LRFN5: variants seen among roughly 807,000 people sequenced by gnomAD.
LRFN5 encodes the protein leucine rich repeat and fibronectin type III domain containing 5.
Under a neutral mutation model 45.6 loss-of-function variants are expected in LRFN5, and 24 were observed. The observed-to-expected ratio is 0.53, with a 90% confidence interval of 0.38 to 0.74. LRFN5 has a LOEUF of 0.74. Among genes scored for constraint, LRFN5 ranks in the 30% least tolerant of loss-of-function variants. The probability of loss-of-function intolerance (pLI) is 0.00; values close to 1 mark genes in which losing one functional copy is unlikely to be tolerated. For synonymous variants in LRFN5, 340 were observed against 313.8 expected, an observed-to-expected ratio of 1.08 and a Z score of -0.88; for missense variants, 776 against 861.5, an observed-to-expected ratio of 0.90 and a Z score of 1.24.
chr14:41,783,465 C>G (rs1886607512), intron 2 of LRFN5, among the ~76,000 whole-genome samples: 1 of 152,060 alleles, frequency 6.6e-6, no homozygotes, highest in Admixed American at 6.6e-5. Context: ...TTGTTCGGCT[C>G]TTTATTGTTC....
chr14:41,717,025 T>C (rs1883521268), intron 1 of LRFN5, among the ~76,000 whole-genome samples: 1 of 152,176 alleles, frequency 6.6e-6, no homozygotes, highest in African/African-American at 2.4e-5. Context: ...CAATGTATTT[T>C]CTAAATCGTG....
intron 2 of LRFN5, among the ~76,000 whole-genome samples, chr14:41,785,956 C>T (rs1886705094): frequency 6.6e-6 from 1 of 152,126 alleles, no homozygotes; most frequent in South Asian, 2.1e-4. Context: ...CTAGCTTGCC[C>T]ACTGCTCGCC....
intron 2 of LRFN5, among the ~76,000 whole-genome samples, chr14:41,799,779 G>A (rs546058450): frequency 2.0e-4 from 31 of 152,134 alleles, no homozygotes; most frequent in Admixed American, 3.9e-4. Context: ...AGTTGAGGAA[G>A]TGTGGCTCTT....
chr14:41,847,446 A>G (rs1052603304), intron 2 of LRFN5, among the ~76,000 whole-genome samples: 6 of 152,150 alleles, frequency 3.9e-5, no homozygotes, highest in Non-Finnish European at 5.9e-5. Context: ...TCCTAACATC[A>G]TGCATAAGAA....
chr14:41,847,927 G>T (rs1422273854), intron 2 of LRFN5, among the ~76,000 whole-genome samples: 1 of 152,020 alleles, frequency 6.6e-6, no homozygotes, highest in African/African-American at 2.4e-5. Flanking sequence ...AAGTTACCAA[G>T]AAAATAAAAG....
chr14:41,707,252 C>T (rs1883104914), intron 1 of LRFN5, among the ~76,000 whole-genome samples: 1 of 152,160 alleles, frequency 6.6e-6, no homozygotes, highest in African/African-American at 2.4e-5. Context: ...CCATGCTTAT[C>T]CTTTTCCTAC....
chr14:41,763,597 A>C (rs1885757846), intron 1 of LRFN5, among the ~76,000 whole-genome samples: 1 of 152,146 alleles, frequency 6.6e-6, no homozygotes, highest in African/African-American at 2.4e-5. Context: ...GAATTGAATC[A>C]TGGGTGCAGG....
At chr14:41,754,425 T>G (rs536341226) in intron 1 of LRFN5, among the ~76,000 whole-genome samples, 4 of 152,322 alleles carry the variant, frequency 2.6e-5, no homozygotes, top group Admixed American at 2.6e-4. Context: ...AGCTATTAAT[T>G]ATTGCCTCAA....
chr14:41,610,996 G>T (rs1412957504), intron 1 of LRFN5, among the ~76,000 whole-genome samples: 3 of 152,078 alleles, frequency 2.0e-5, no homozygotes, highest in Admixed American at 6.6e-5. Flanking sequence ...AGAAATGCTG[G>T]TGAATATAGG....
intron 1 of LRFN5, among the ~76,000 whole-genome samples, chr14:41,621,244 A>G (rs979717238): frequency 3.9e-5 from 6 of 152,084 alleles, no homozygotes; most frequent in African/African-American, 7.2e-5. Flanking sequence ...TGTGTGAAAT[A>G]CAGTCTATAT....
chr14:41,872,544 T>G (rs1890053244), intron 2 of LRFN5, among the ~76,000 whole-genome samples: 1 of 152,194 alleles, frequency 6.6e-6, no homozygotes, highest in African/African-American at 2.4e-5. Flanking sequence ...CAATTAGGAA[T>G]GAGTCCTTAT....
chr14:41,729,796 T>A (rs1884090930), intron 1 of LRFN5, among the ~76,000 whole-genome samples: 1 of 152,050 alleles, frequency 6.6e-6, no homozygotes, highest in African/African-American at 2.4e-5. Flanking sequence ...ATTCTGTACC[T>A]ATAATATTCA....
chr14:41,751,614 C>A (rs1453484587), intron 1 of LRFN5, among the ~76,000 whole-genome samples: 5 of 151,994 alleles, frequency 3.3e-5, no homozygotes, highest in African/African-American at 1.2e-4. Flanking sequence ...AGCAGATGCA[C>A]ACTCTGAGGA....
intron 4 of LRFN5, among the ~76,000 whole-genome samples, chr14:41,896,006 A>G (rs1438866405): frequency 2.0e-5 from 3 of 152,126 alleles, no homozygotes; most frequent in Non-Finnish European, 4.4e-5. Flanking sequence ...ACTTGCATCC[A>G]ATAAATTTTA....
chr14:41,812,188 T>C (rs1887759668), intron 2 of LRFN5, among the ~76,000 whole-genome samples: 1 of 152,084 alleles, frequency 6.6e-6, no homozygotes, highest in African/African-American at 2.4e-5. Context: ...CAAATCCATA[T>C]GTACTTGTAT....
In LRFN5 at chr14:41,608,415, G is replaced by A. The variant is rs935700258; in HGVS notation, c.-344G>A. 2 of 152,694 alleles carry A rather than the reference G, an allele frequency of 1.3e-5. No homozygotes were observed. The highest frequency in any genetic ancestry group is 4.8e-5 in the African/African-American group (2 of 41,446). 9.5% of individuals were successfully genotyped at this position (152,694 alleles called of 1,614,324 possible). ...AGGAGCCGCCTTTCCGATTCCCTACGATGCGGGTGCTGAGCTATGGCAAAG... is the reference window on the plus strand; with the variant it reads ...AGGAGCCGCCTTTCCGATTCCCTACAATGCGGGTGCTGAGCTATGGCAAAG... On this transcript the variant is annotated 5_prime_UTR_variant, in exon 1 of 6. Coordinates refer to ENST00000298119, the MANE Select transcript of LRFN5 (RefSeq NM_152447.5).
At chr14:41,700,469 A>T (rs568562515) in intron 1 of LRFN5, 1 of 152,256 alleles carries the variant, frequency 6.6e-6, no homozygotes, top group South Asian at 2.1e-4. Context: ...AGTGAATATG[A>T]TCATCAATAG....
intron 1 of LRFN5, among the ~76,000 whole-genome samples, chr14:41,689,515 T>C (rs1352279683): frequency 3.3e-5 from 5 of 152,132 alleles, no homozygotes; most frequent in Non-Finnish European, 5.9e-5. Flanking sequence ...AATAAATTCC[T>C]AGAAAGACAA....
intron 1 of LRFN5, among the ~76,000 whole-genome samples, chr14:41,741,224 G>GA (rs138712153): frequency 0.17 from 25,282 of 151,432 alleles, 2,334 homozygotes; most frequent in Admixed American, 0.2. Flanking sequence ...AAGTCTAATA[G>GA]AAAAAAATCC....
Sources: gnomAD v4.1 joint callset for allele counts (sites outside exome capture counted in the v4.1 genomes callset) on GRCh38, gnomAD v4.1.1 for gene constraint, MANE v1.5 for transcripts, NCBI Gene and HGNC (gene_info 2026-07-23, HGNC 2026-07-21) for gene names.